The following SCMH1 variants were observed in gnomAD, a reference collection of about 807,000 sequenced individuals.
SCMH1 encodes the protein polycomb protein SCMH1.
In SCMH1, 37 loss-of-function variants were observed where a neutral mutation model predicts 70.8. The observed-to-expected ratio is 0.52, with a 90% CI of 0.40 to 0.69. The LOEUF is 0.69. Among genes scored for constraint, SCMH1 ranks in the 30% least tolerant of loss-of-function variants. SCMH1 has a pLI of 0.00. For synonymous variants in SCMH1, 292 were observed against 307.4 expected, an observed-to-expected ratio of 0.95 and a Z score of 0.52; for missense variants, 607 against 827.3, an observed-to-expected ratio of 0.73 and a Z score of 3.27.
At chr1:41,204,300 G>T (rs763419944) in intron 1 of SCMH1, among the ~76,000 whole-genome samples, 1 of 152,110 alleles carries the variant, frequency 6.6e-6, no homozygotes, top group African/African-American at 2.4e-5. Context: ...CAGGTTCTCA[G>T]TATTGACCTA....
At chr1:41,222,419 T>C (rs1216471481) in intron 1 of SCMH1, among the ~76,000 whole-genome samples, 1 of 152,230 alleles carries the variant, frequency 6.6e-6, no homozygotes, top group Non-Finnish European at 1.5e-5. Flanking sequence ...TTAGATTTTA[T>C]AGTTATATAC....
intron 2 of SCMH1, among the ~76,000 whole-genome samples, chr1:41,162,185 G>A (rs905594049): frequency 1.3e-5 from 2 of 152,144 alleles, no homozygotes; most frequent in Admixed American, 6.5e-5. Context: ...ACTCTTGGGG[G>A]TCCAGCCAGG....
intron 8 of SCMH1, among the ~76,000 whole-genome samples, chr1:41,112,453 G>A (rs1223255815): frequency 6.6e-6 from 1 of 151,988 alleles, no homozygotes; most frequent in Non-Finnish European, 1.5e-5. Context: ...CTTCTCCACT[G>A]TCATCATCTG....
chr1:41,091,230 C>A (rs1572015612), intron 8 of SCMH1, among the ~76,000 whole-genome samples: 1 of 152,220 alleles, frequency 6.6e-6, no homozygotes, highest in East Asian at 1.9e-4. Flanking sequence ...GCTGGTTCAA[C>A]ATACGCAAAT....
At chr1:41,040,332 G>A (rs1645960884) in intron 12 of SCMH1, among the ~76,000 whole-genome samples, 1 of 152,120 alleles carries the variant, frequency 6.6e-6, no homozygotes, top group African/African-American at 2.4e-5. Flanking sequence ...ACATTGCAAA[G>A]CTGACCTTAA....
At chr1:41,149,572 T>C (rs1644880899) in intron 5 of SCMH1, among the ~76,000 whole-genome samples, 1 of 152,192 alleles carries the variant, frequency 6.6e-6, no homozygotes, top group South Asian at 2.1e-4. Context: ...ACCTGATGGG[T>C]ACTGGATATT....
At chr1:41,082,369 G>A (rs561169634) in intron 8 of SCMH1, among the ~76,000 whole-genome samples, 1 of 152,182 alleles carries the variant, frequency 6.6e-6, no homozygotes, top group South Asian at 2.1e-4. Context: ...CGGATCTCTC[G>A]GCAGAAACTC....
chr1:41,052,916 G>GC (rs1209020218), intron 10 of SCMH1, among the ~76,000 whole-genome samples: 1 of 61,572 alleles, frequency 1.6e-5, no homozygotes. Flanking sequence ...TAAATTGTAG[G>GC]CTTTTTTTTT....
At position 41,070,735 on chromosome 1, in the gene SCMH1, T is replaced by C. The variant is rs200760867; in HGVS notation, c.979-14A>G. ...CCGAGGTTTCCTCTGTCAAAATGAATGGGAAAAAAATTGCTACCCATGACA... is the reference window on the plus strand; with the variant it reads ...CCGAGGTTTCCTCTGTCAAAATGAACGGGAAAAAAATTGCTACCCATGACA... On this transcript the variant is annotated splice_polypyrimidine_tract_variant and intron_variant, in intron 9 of 14. Coordinates refer to ENST00000337495, the Ensembl canonical transcript of SCMH1. 1 of 1,613,174 alleles carries C rather than the reference T, an allele frequency of 6.2e-7. No individual in the cohort carries two copies. The highest frequency in any genetic ancestry group is 8.5e-7 in the Non-Finnish European group (1 of 1,179,638).
rs1663573275 is a variant in SCMH1 at position 41,241,648 on chromosome 1, GCCC to G, written c.-118+408_-118+410del. On this transcript the variant is annotated intron_variant, in intron 1 of 14. Coordinates refer to ENST00000337495, the Ensembl canonical transcript of SCMH1. ...GGGTCGCGCCGCCGCCCGGCCCTCG[GCCC>G]CCAGCCAGCCTGCCCCGGCCCACCC... is the stretch of plus-strand genomic sequence containing the variant. 2.6e-5 allele frequency among the ~76,000 whole-genome samples: 4 copies of G among 151,976 alleles called. No individual in the cohort carries two copies. The South Asian group carries it at 8.3e-4, about 31-fold the overall frequency.
chr1:41,220,262 C>G (rs1234960860), intron 1 of SCMH1, among the ~76,000 whole-genome samples: 2 of 152,218 alleles, frequency 1.3e-5, no homozygotes, highest in Non-Finnish European at 1.5e-5. Context: ...CAAGCACCAA[C>G]TGCATTGTGG....
At chr1:41,027,295 GC>G (rs1643933782) in exon 15 of SCMH1, 1 of 152,254 alleles carries the variant, frequency 6.6e-6, no homozygotes, top group Admixed American at 6.5e-5. Context: ...TTACAAGGAA[GC>G]CTGTGGACAG....
At chr1:41,165,294 T>TA (rs879373008) in intron 2 of SCMH1, among the ~76,000 whole-genome samples, 1 of 152,124 alleles carries the variant, frequency 6.6e-6, no homozygotes, top group Non-Finnish European at 1.5e-5. Flanking sequence ...GATGGACACT[T>TA]AAGTTATTCC....
chr1:41,055,695 G>A (rs1038848481), intron 10 of SCMH1, among the ~76,000 whole-genome samples: 17 of 152,212 alleles, frequency 1.1e-4, no homozygotes, highest in African/African-American at 4.1e-4. Flanking sequence ...TGAAAAGAAA[G>A]CATCTATAAA....
intron 4 of SCMH1, among the ~76,000 whole-genome samples, chr1:41,157,549 C>A (rs1042093543): frequency 6.6e-6 from 1 of 152,126 alleles, no homozygotes; most frequent in African/African-American, 2.4e-5. Context: ...AGAAAGAGAG[C>A]CTTAGATAAG....
chr1:41,191,237 T>C (rs1004452856), intron 1 of SCMH1, among the ~76,000 whole-genome samples: 2 of 152,244 alleles, frequency 1.3e-5, no homozygotes, highest in African/African-American at 2.4e-5. Flanking sequence ...ATTTCCACTG[T>C]AGCTACTACA....
At chr1:41,114,602 T>C (rs892623791) in intron 7 of SCMH1, among the ~76,000 whole-genome samples, 1 of 149,514 alleles carries the variant, frequency 6.7e-6, no homozygotes, top group Admixed American at 6.6e-5. Flanking sequence ...CTTTATTATA[T>C]ACTATCAAGC....
intron 5 of SCMH1, among the ~76,000 whole-genome samples, chr1:41,150,871 A>C (rs913418252): frequency 2.1e-5 from 3 of 139,536 alleles, no homozygotes; most frequent in African/African-American, 8.0e-5. Flanking sequence ...CAGGAGGCGG[A>C]GCTTGCATTA....
chr1:41,160,655 T>C (rs1274863988), intron 4 of SCMH1, among the ~76,000 whole-genome samples: 2 of 152,162 alleles, frequency 1.3e-5, no homozygotes, highest in Non-Finnish European at 2.9e-5. Flanking sequence ...CTTCCCTCCC[T>C]TCTTGTTAGC....
Sources: gnomAD v4.1 joint callset for allele counts (sites outside exome capture counted in the v4.1 genomes callset) on GRCh38, gnomAD v4.1.1 for gene constraint, MANE v1.5 for transcripts, NCBI Gene and HGNC (gene_info 2026-07-23, HGNC 2026-07-21) for gene names.